The following KMT2C variants were observed in gnomAD, a reference collection of about 807,000 sequenced individuals.
The protein encoded by KMT2C is lysine methyltransferase 2C, also known as histone-lysine N-methyltransferase 2C.
KMT2C carries 88 observed loss-of-function variants against 507.9 expected under a neutral mutation model. The ratio of observed to expected loss-of-function variants is 0.17; its 90% CI spans 0.15 to 0.21. KMT2C has a LOEUF of 0.21. KMT2C is among the 10% of genes least tolerant of loss of function. The pLI, the probability that KMT2C is intolerant of heterozygous loss-of-function variation, is 1.00. For missense variants in KMT2C, 4,954 were observed against 5,957.8 expected, an observed-to-expected ratio of 0.83 and a Z score of 5.55; for synonymous variants, 2,049 against 2,080.8, an observed-to-expected ratio of 0.98 and a Z score of 0.42.
In KMT2C at chr7:152,395,568, C is replaced by T. The variant is rs187472482; in HGVS notation, c.162-36893G>A. ...TGTCACTCAGGCTGGAGTGCAGTGG[C>T]GCCATCTTGGCTCACTGCAACCTCC... On this transcript the variant is annotated intron_variant, in intron 1 of 58. Transcript: ENST00000262189. 4.1e-4 allele frequency among the ~76,000 whole-genome samples: 63 copies of T among 152,184 alleles called. 1 individual carries two copies. The East Asian group carries it at 0.011, about 27-fold the overall frequency.
At chr7:152,260,992 A>T (rs1457589514) in intron 9 of KMT2C, among the ~76,000 whole-genome samples, 4 of 152,250 alleles carry the variant, frequency 2.6e-5, no homozygotes, top group Non-Finnish European at 5.9e-5. Flanking sequence ...TGCAGGAAGT[A>T]AAAGAAGAGA....
intron 27 of KMT2C, among the ~76,000 whole-genome samples, chr7:152,197,769 G>A (rs984197209): frequency 2.6e-5 from 4 of 151,992 alleles, no homozygotes; most frequent in African/African-American, 9.7e-5. Context: ...TTAAAAAAAA[G>A]CCTTTAGTCA....
At chr7:152,307,104 G>A (rs1305332668) in intron 6 of KMT2C, among the ~76,000 whole-genome samples, 1 of 151,782 alleles carries the variant, frequency 6.6e-6, no homozygotes, top group Non-Finnish European at 1.5e-5. Context: ...GTGCCAATGA[G>A]CCGTGATCAT....
intron 1 of KMT2C, among the ~76,000 whole-genome samples, chr7:152,413,356 G>A (rs2078661): frequency 2.0e-5 from 3 of 151,952 alleles, no homozygotes; most frequent in Admixed American, 2.0e-4. Flanking sequence ...GAAGCAATCC[G>A]CCTGCCTCAG....
At chr7:152,380,576 A>G (rs1457475979) in intron 1 of KMT2C, among the ~76,000 whole-genome samples, 3 of 151,838 alleles carry the variant, frequency 2.0e-5, no homozygotes, top group Non-Finnish European at 4.4e-5. Flanking sequence ...CTCAAAAGAA[A>G]AAAAAAAAAA....
At chr7:152,395,352 C>CT (rs927692568) in intron 1 of KMT2C, among the ~76,000 whole-genome samples, 2 of 151,412 alleles carry the variant, frequency 1.3e-5, no homozygotes, top group Non-Finnish European at 2.9e-5. Flanking sequence ...CCTGGCTTTT[C>CT]TTTCCCCCCC....
intron 1 of KMT2C, among the ~76,000 whole-genome samples, chr7:152,370,765 C>G: frequency 6.6e-6 from 1 of 152,190 alleles, no homozygotes; most frequent in East Asian, 1.9e-4. Context: ...GGTCAGCAAA[C>G]TACGGTCCAG....
chr7:152,179,021 C>T (rs1489891413), intron 37 of KMT2C, among the ~76,000 whole-genome samples: 27 of 152,178 alleles, frequency 1.8e-4, no homozygotes, highest in Admixed American at 1.3e-3. Context: ...GACAGAGTCT[C>T]GTTCTGTCTC....
At chr7:152,358,245 G>C (rs2097168158) in intron 2 of KMT2C, among the ~76,000 whole-genome samples, 1 of 152,096 alleles carries the variant, frequency 6.6e-6, no homozygotes, top group Non-Finnish European at 1.5e-5. Context: ...AACAAAATAA[G>C]CTTTAAACAA....
At chr7:152,231,689 G>A (rs2095118990) in intron 16 of KMT2C, among the ~76,000 whole-genome samples, 1 of 151,736 alleles carries the variant, frequency 6.6e-6, no homozygotes, top group African/African-American at 2.4e-5. Context: ...GCTGAGGCAG[G>A]AGAATCACTT....
At chr7:152,423,218 T>TA (rs1236368676) in intron 1 of KMT2C, among the ~76,000 whole-genome samples, 2 of 151,938 alleles carry the variant, frequency 1.3e-5, no homozygotes, top group Admixed American at 1.3e-4. Context: ...TGCATGCCTG[T>TA]AATCCCAGCT....
At chr7:152,202,347 A>C (rs1401571033) in intron 26 of KMT2C, among the ~76,000 whole-genome samples, 1 of 152,200 alleles carries the variant, frequency 6.6e-6, no homozygotes, top group Non-Finnish European at 1.5e-5. Context: ...CATGGCCTTA[A>C]ACTCTGACTT....
At chr7:152,387,026 T>C (rs2097435068) in intron 1 of KMT2C, among the ~76,000 whole-genome samples, 1 of 152,076 alleles carries the variant, frequency 6.6e-6, no homozygotes, top group African/African-American at 2.4e-5. Flanking sequence ...AACCACAGAA[T>C]AGTGTTACTT....
intron 6 of KMT2C, among the ~76,000 whole-genome samples, chr7:152,305,697 T>C (rs2096610298): frequency 6.6e-6 from 1 of 152,220 alleles, no homozygotes; most frequent in South Asian, 2.1e-4. Context: ...TCATTATTTT[T>C]GTGGTTGCTA....
chr7:152,173,268 C>G (rs551185829), intron 39 of KMT2C, among the ~76,000 whole-genome samples: 12 of 152,070 alleles, frequency 7.9e-5, no homozygotes, highest in Admixed American at 2.0e-4. Flanking sequence ...ATATTCAATT[C>G]TATAATCATC....
intron 18 of KMT2C, among the ~76,000 whole-genome samples, chr7:152,225,103 C>G (rs2094888275): frequency 1.3e-5 from 2 of 152,138 alleles, no homozygotes; most frequent in Non-Finnish European, 2.9e-5. Context: ...GCTAGGAATT[C>G]TGAAGTTCAC....
At chr7:152,268,649 C>G (rs10235761) in intron 7 of KMT2C, among the ~76,000 whole-genome samples, 9,885 of 152,090 alleles carry the variant, frequency 0.065, 621 homozygotes, top group African/African-American at 0.16. Flanking sequence ...TTTCTTAAGA[C>G]AGTACCAGTA....
intron 3 of KMT2C, among the ~76,000 whole-genome samples, chr7:152,317,352 A>C (rs2096730873): frequency 6.6e-6 from 1 of 152,256 alleles, no homozygotes; most frequent in African/African-American, 2.4e-5. Flanking sequence ...GGAAATTTCT[A>C]GCTTTTGGTC....
intron 1 of KMT2C, among the ~76,000 whole-genome samples, chr7:152,419,289 T>C (rs2097764826): frequency 6.6e-6 from 1 of 151,968 alleles, no homozygotes; most frequent in Non-Finnish European, 1.5e-5. Context: ...AGGCGGAGAT[T>C]GCAGTGAGCC....
Sources: gnomAD v4.1 joint callset for allele counts (sites outside exome capture counted in the v4.1 genomes callset) on GRCh38, gnomAD v4.1.1 for gene constraint, MANE v1.5 for transcripts, NCBI Gene and HGNC (gene_info 2026-07-23, HGNC 2026-07-21) for gene names.